Variants in RNGTT observed in about 807,000 individuals in gnomAD.
RNGTT encodes the protein mRNA-capping enzyme.
In RNGTT, 33 loss-of-function variants were observed where a neutral mutation model predicts 79.3. The ratio of observed to expected loss-of-function variants is 0.42; its 90% CI spans 0.32 to 0.56. The LOEUF is 0.56. Ranked by LOEUF, RNGTT falls within the 20% of genes least tolerant of loss-of-function variation. RNGTT has a pLI of 0.17. For synonymous variants in RNGTT, 222 were observed against 235.9 expected (o/e 0.94, Z 0.54); for missense variants, 497 against 739.1 (o/e 0.67, Z 3.80).
At chr6:88,698,779 G>A (rs1775846010) in intron 13 of RNGTT, among the ~76,000 whole-genome samples, 1 of 152,010 alleles carries the variant, frequency 6.6e-6, no homozygotes, top group Admixed American at 6.6e-5. Context: ...TCAACTAAAA[G>A]TTAAAAGTTA....
intron 5 of RNGTT, 122 bp downstream of exon 5, chr6:88,906,243 C>T: frequency 1.6e-6 from 1 of 624,664 alleles, no homozygotes; most frequent in South Asian, 2.2e-5. Context: ...AAATGAAAAG[C>T]AGTTCAAATT....
At chr6:88,942,923 G>A (rs189102264) in intron 1 of RNGTT, among the ~76,000 whole-genome samples, 1 of 152,172 alleles carries the variant, frequency 6.6e-6, no homozygotes, top group African/African-American at 2.4e-5. Flanking sequence ...CTAAATTCCA[G>A]AATACTATTA....
In RNGTT at chr6:88,679,811, CTTTT is replaced by C. The variant is rs552189195; in HGVS notation, c.1440-1396_1440-1393del. ...CTAAATGTAGATATATCTCATCTTTCTTTTATCACAAATCTTTTCATAATGGACA... is the reference window on the plus strand; with the variant it reads ...CTAAATGTAGATATATCTCATCTTTCATCACAAATCTTTTCATAATGGACA... On this transcript the variant is annotated intron_variant, in intron 13 of 15. Coordinates refer to ENST00000369485, the MANE Select transcript of RNGTT (RefSeq NM_003800.5). Among the ~76,000 whole-genome samples, 425 of 152,294 alleles carry C rather than the reference CTTTT, an allele frequency of 2.8e-3. 3 individuals carry two copies. Among genetic ancestry groups the C allele is most frequent in the African/African-American group, 9.8e-3 (409 of 41,560 alleles).
chr6:88,784,877 C>G (rs1021193683), intron 12 of RNGTT, among the ~76,000 whole-genome samples: 2 of 151,894 alleles, frequency 1.3e-5, no homozygotes, highest in African/African-American at 4.8e-5. Flanking sequence ...AATATGCTAT[C>G]TTTTTAAAAA....
intron 12 of RNGTT, among the ~76,000 whole-genome samples, chr6:88,772,098 G>A (rs1778704079): frequency 6.6e-6 from 1 of 151,926 alleles, no homozygotes; most frequent in Non-Finnish European, 1.5e-5. Flanking sequence ...AGGATTGCTT[G>A]AGCCTGGGAG....
chr6:88,871,043 A>C (rs551320532), intron 8 of RNGTT, among the ~76,000 whole-genome samples: 180 of 152,322 alleles, frequency 1.2e-3, no homozygotes, highest in African/African-American at 3.8e-3. Flanking sequence ...TTTACTACAA[A>C]AACTGCTACA....
chr6:88,813,753 T>G (rs905664689), intron 11 of RNGTT, among the ~76,000 whole-genome samples: 6 of 152,184 alleles, frequency 3.9e-5, no homozygotes, highest in African/African-American at 7.2e-5. Flanking sequence ...AAACTTCTCC[T>G]AATCTCTACT....
Position 88,884,068 on chromosome 6 carries a change from C to T in RNGTT, c.896+6427G>A, listed in dbSNP as rs76649980. ...TGTGGGAATACAATCTGGCACTACCCTTTTGGAGCAGAAACTCGTGGTATC... is the reference window on the plus strand; with the variant it reads ...TGTGGGAATACAATCTGGCACTACCTTTTTGGAGCAGAAACTCGTGGTATC... On this transcript the variant is annotated intron_variant, in intron 8 of 15. Coordinates refer to ENST00000369485, the MANE Select transcript of RNGTT (RefSeq NM_003800.5). 4.9e-3 allele frequency among the ~76,000 whole-genome samples: 747 copies of T among 152,290 alleles called. 2 individuals are homozygous for T. The highest frequency in any genetic ancestry group is 0.017 in the African/African-American group (692 of 41,558).
intron 13 of RNGTT, among the ~76,000 whole-genome samples, chr6:88,758,960 T>C (rs1778114095): frequency 6.6e-6 from 1 of 152,218 alleles, no homozygotes; most frequent in Non-Finnish European, 1.5e-5. Flanking sequence ...ACATGTGCCA[T>C]GTTGGTGTGC....
At chr6:88,643,443 C>A (rs1409513259) in intron 14 of RNGTT, among the ~76,000 whole-genome samples, 1 of 152,114 alleles carries the variant, frequency 6.6e-6, no homozygotes, top group East Asian at 1.9e-4. Flanking sequence ...GACAGATCAA[C>A]GAGACAGAAA....
intron 14 of RNGTT, among the ~76,000 whole-genome samples, chr6:88,671,118 G>A (rs1457663554): frequency 3.3e-5 from 5 of 151,986 alleles, no homozygotes; most frequent in Non-Finnish European, 7.4e-5. Context: ...ATCAGACATG[G>A]GAAATAAATA....
At chr6:88,635,158 T>G (rs1228783396) in intron 14 of RNGTT, among the ~76,000 whole-genome samples, 1 of 152,072 alleles carries the variant, frequency 6.6e-6, no homozygotes, top group Admixed American at 6.6e-5. Flanking sequence ...GAAGCAATCA[T>G]TCCTTTGTAT....
chr6:88,683,662 T>A (rs1775170191), intron 13 of RNGTT, among the ~76,000 whole-genome samples: 1 of 152,076 alleles, frequency 6.6e-6, no homozygotes, highest in Non-Finnish European at 1.5e-5. Context: ...TCAAAAGACA[T>A]GTGAAAAATA....
intron 13 of RNGTT, among the ~76,000 whole-genome samples, chr6:88,685,293 T>C (rs1562193778): frequency 6.6e-6 from 1 of 152,192 alleles, no homozygotes; most frequent in African/African-American, 2.4e-5. Flanking sequence ...CTATGGACTT[T>C]AGTTAGTAAT....
intron 13 of RNGTT, among the ~76,000 whole-genome samples, chr6:88,684,016 A>T (rs562709620): frequency 6.6e-6 from 1 of 152,150 alleles, no homozygotes; most frequent in East Asian, 1.9e-4. Context: ...CCGTCTCTAA[A>T]AACAAAAATT....
chr6:88,923,011 G>A (rs949912077), intron 4 of RNGTT, among the ~76,000 whole-genome samples: 1 of 152,138 alleles, frequency 6.6e-6, no homozygotes, highest in Non-Finnish European at 1.5e-5. Context: ...CATATGTCTT[G>A]TAAATTGATA....
intron 12 of RNGTT, among the ~76,000 whole-genome samples, chr6:88,776,902 T>G (rs968058251): frequency 2.0e-5 from 3 of 152,184 alleles, no homozygotes; most frequent in African/African-American, 7.2e-5. Context: ...GAGCTTTTGA[T>G]GTAACATCAA....
intron 13 of RNGTT, among the ~76,000 whole-genome samples, chr6:88,728,335 C>T (rs1007809074): frequency 1.4e-4 from 22 of 152,352 alleles, no homozygotes; most frequent in Middle Eastern, 6.8e-3. Flanking sequence ...TCCTGACTCT[C>T]GTCAGACTGG....
intron 13 of RNGTT, among the ~76,000 whole-genome samples, chr6:88,712,360 CA>C (rs1776348195): frequency 6.6e-6 from 1 of 152,162 alleles, no homozygotes; most frequent in Non-Finnish European, 1.5e-5. Context: ...GACTGGAATG[CA>C]GTGGTGTGAT....
Sources: gnomAD v4.1 joint callset for allele counts (sites outside exome capture counted in the v4.1 genomes callset) on GRCh38, gnomAD v4.1.1 for gene constraint, MANE v1.5 for transcripts, NCBI Gene and HGNC (gene_info 2026-07-23, HGNC 2026-07-21) for gene names.